Variants in STK24 observed in about 807,000 individuals in gnomAD.
STK24 encodes the protein serine/threonine-protein kinase 24.
A neutral mutation model predicts 55.6 loss-of-function variants in STK24; 21 were observed. The ratio of observed to expected loss-of-function variants is 0.38; its 90% CI spans 0.27 to 0.54. The LOEUF is 0.54. STK24 is among the 20% of genes least tolerant of loss of function. The pLI, the probability that STK24 is intolerant of heterozygous loss-of-function variation, is 0.79. For synonymous variants in STK24, 200 were observed against 215.2 expected, an observed-to-expected ratio of 0.93 and a Z score of 0.62; for missense variants, 383 against 538.4, an observed-to-expected ratio of 0.71 and a Z score of 2.86.
intron 3 of STK24, among the ~76,000 whole-genome samples, chr13:98,478,058 T>G (rs1894447837): frequency 1.3e-5 from 2 of 152,224 alleles, no homozygotes; most frequent in East Asian, 3.9e-4. Context: ...AAATCCTTTC[T>G]GCGTCAAAAT....
chr13:98,497,976 A>T, intron 2 of STK24, among the ~76,000 whole-genome samples: 1 of 152,152 alleles, frequency 6.6e-6, no homozygotes, highest in East Asian at 1.9e-4. Flanking sequence ...CCCACACCCC[A>T]CTACACCTAT....
intron 2 of STK24, among the ~76,000 whole-genome samples, chr13:98,515,983 A>G (rs1896043329): frequency 1.3e-5 from 2 of 152,156 alleles, no homozygotes; most frequent in South Asian, 4.1e-4. Context: ...CCAAAGACCC[A>G]TTTGTCTTAC....
intron 2 of STK24, among the ~76,000 whole-genome samples, chr13:98,492,389 GAGGGCCCTTTCT>G (rs1895076614): frequency 6.6e-6 from 1 of 152,206 alleles, no homozygotes; most frequent in Admixed American, 6.5e-5. Flanking sequence ...CTGGCCCAAA[GAGGGCCCTTTCT>G]AGGGGAGGAA....
intron 1 of STK24, among the ~76,000 whole-genome samples, chr13:98,569,706 T>A (rs959157297): frequency 1.2e-4 from 19 of 152,006 alleles, no homozygotes; most frequent in Non-Finnish European, 2.6e-4. Context: ...TCCATTAATG[T>A]ACACACCGCA....
At chr13:98,455,238 T>G (rs1430149128) in intron 10 of STK24, 1 of 152,246 alleles carries the variant, frequency 6.6e-6, no homozygotes, top group African/African-American at 2.4e-5. Context: ...CTAGAAAATG[T>G]AAAATTCTCT....
chr13:98,458,551 C>T (rs535998308), intron 9 of STK24, among the ~76,000 whole-genome samples: 8 of 152,278 alleles, frequency 5.3e-5, no homozygotes, highest in East Asian at 1.9e-4. Context: ...AGGGCCACGC[C>T]GCCGGCCCCG....
chr13:98,493,797 C>A (rs976417395), intron 2 of STK24, among the ~76,000 whole-genome samples: 1 of 151,050 alleles, frequency 6.6e-6, no homozygotes, highest in Admixed American at 6.6e-5. Flanking sequence ...GAAAGTATGT[C>A]TGAGAAAGAA....
chr13:98,485,470 C>A (rs1345228373), intron 2 of STK24, among the ~76,000 whole-genome samples: 1 of 152,164 alleles, frequency 6.6e-6, no homozygotes, highest in Non-Finnish European at 1.5e-5. Context: ...TGCAAAATAT[C>A]TCAGGCACTG....
chr13:98,471,696 T>C (rs1455451162), intron 5 of STK24, among the ~76,000 whole-genome samples: 1 of 152,054 alleles, frequency 6.6e-6, no homozygotes, highest in East Asian at 1.9e-4. Context: ...CTGCCAGAGG[T>C]GACAATGCTC....
chr13:98,539,576 A>G (rs1392558521), intron 1 of STK24, among the ~76,000 whole-genome samples: 1 of 152,192 alleles, frequency 6.6e-6, no homozygotes, highest in Non-Finnish European at 1.5e-5. Context: ...AAAAACAAAA[A>G]AAAAAGGAAA....
chr13:98,517,951 C>A (rs1217076383), intron 2 of STK24, among the ~76,000 whole-genome samples: 1 of 152,186 alleles, frequency 6.6e-6, no homozygotes, highest in Non-Finnish European at 1.5e-5. Flanking sequence ...TACTTAATTC[C>A]ATTTAATCTT....
chr13:98,522,990 G>A (rs1165810000), intron 1 of STK24, among the ~76,000 whole-genome samples: 3 of 152,202 alleles, frequency 2.0e-5, no homozygotes, highest in African/African-American at 7.2e-5. Flanking sequence ...CCCGGGAGCA[G>A]TGATTCTCAG....
chr13:98,505,510 A>G (rs1364267757), intron 2 of STK24, among the ~76,000 whole-genome samples: 1 of 152,380 alleles, frequency 6.6e-6, no homozygotes, highest in African/African-American at 2.4e-5. Flanking sequence ...TCATTGACCT[A>G]TCTCCACTGA....
intron 2 of STK24, among the ~76,000 whole-genome samples, chr13:98,517,063 T>C (rs1004045321): frequency 2.6e-5 from 4 of 152,242 alleles, no homozygotes; most frequent in African/African-American, 9.6e-5. Context: ...GAGCTGAGGT[T>C]GAACAAGATG....
Position 98,446,036 on chromosome 13 carries a change from C to A in STK24, c.*7137G>T, listed in dbSNP as rs1262228122. The A allele has an allele frequency of 8.8e-7, 1 of 1,137,108 alleles. No individual in the cohort carries two copies. Among genetic ancestry groups the A allele is most frequent in the Non-Finnish European group, 1.3e-6 (1 of 753,580 alleles). 70.4% of individuals were successfully genotyped at this position (1,137,108 alleles called of 1,614,324 possible). A position where few individuals can be genotyped will look rare whatever the true frequency, so the allele number is the denominator to read the frequency against. ...CAGGGCCCTGGTGCAGGGAGAGCTGCTCTCTGTGCCCTCCTGGGGCAGGTG... is the reference window on the plus strand; with the variant it reads ...CAGGGCCCTGGTGCAGGGAGAGCTGATCTCTGTGCCCTCCTGGGGCAGGTG... On this transcript the variant is annotated 3_prime_UTR_variant, in exon 11 of 11. Transcript: ENST00000539966.
chr13:98,510,557 G>C (rs1895847146), intron 2 of STK24, among the ~76,000 whole-genome samples: 1 of 152,188 alleles, frequency 6.6e-6, no homozygotes, highest in South Asian at 2.1e-4. Flanking sequence ...AGATAACAAA[G>C]TGTGGTCTAT....
At chr13:98,561,125 C>G (rs1207486513) in intron 1 of STK24, among the ~76,000 whole-genome samples, 1 of 152,112 alleles carries the variant, frequency 6.6e-6, no homozygotes, top group Non-Finnish European at 1.5e-5. Flanking sequence ...GGTAAGGTGC[C>G]CAGCAGGAGT....
chr13:98,547,298 G>A (rs1354288568), intron 1 of STK24, among the ~76,000 whole-genome samples: 2 of 152,142 alleles, frequency 1.3e-5, no homozygotes, highest in African/African-American at 4.8e-5. Context: ...GTCAACCTAA[G>A]CACTTTGGGA....
chr13:98,519,145 A>T, intron 2 of STK24, 98 bp downstream of exon 2: 1 of 949,060 alleles, frequency 1.1e-6, no homozygotes, highest in Non-Finnish European at 1.6e-6. Flanking sequence ...CTTGCTCTGA[A>T]ACCTGCTGTG....
Sources: allele counts gnomAD v4.1 joint callset (sites outside exome capture counted in the v4.1 genomes callset), GRCh38; gene constraint gnomAD v4.1.1; transcripts MANE v1.5; gene names NCBI Gene and HGNC (gene_info 2026-07-23, HGNC 2026-07-21).